CACNA1E: variants seen among roughly 807,000 people sequenced by gnomAD.
CACNA1E encodes calcium voltage-gated channel subunit alpha1 E.
Under a neutral mutation model 259.2 loss-of-function variants are expected in CACNA1E, and 40 were observed. The ratio of observed to expected loss-of-function variants is 0.15; its 90% CI spans 0.12 to 0.20. The LOEUF (loss-of-function observed/expected upper bound fraction) is 0.20, where lower values mean the gene tolerates loss of function less well. CACNA1E is among the 10% of genes least tolerant of loss of function. The pLI is 1.00. For missense variants in CACNA1E, 1,874 were observed against 3,040.1 expected (o/e 0.62, Z 9.02); for synonymous variants, 1,104 against 1,138.5 (o/e 0.97, Z 0.61).
chr1:181,704,868 C>A (rs972267182), intron 7 of CACNA1E, among the ~76,000 whole-genome samples: 1 of 152,096 alleles, frequency 6.6e-6, no homozygotes, highest in Non-Finnish European at 1.5e-5. Flanking sequence ...GGCTTTCTTA[C>A]CCCAGCCGAC....
chr1:181,439,495 GC>G lies in CACNA1E; in HGVS notation c.434+25917del, dbSNP rs371798718. Among the ~76,000 whole-genome samples the G allele has an allele frequency of 2.7e-4, 41 of 152,168 alleles. No individual in the cohort carries two copies. The East Asian group carries it at 7.7e-3, about 29-fold the overall frequency. On this transcript the variant is annotated intron_variant, in intron 2 of 11. Transcript: ENST00000524607. The stretch of plus-strand genomic sequence containing the variant: ...GTGAAACCGGTATACACAATCAGTT[GC>G]CTTACTTTCTAGAGGATGAACCCCT...
chr1:181,495,620 G>A (rs898764534), intron 1 of CACNA1E, among the ~76,000 whole-genome samples: 8 of 152,280 alleles, frequency 5.3e-5, no homozygotes, highest in Non-Finnish European at 1.2e-4. Flanking sequence ...CTCTTACCAA[G>A]TTTCTAACCT....
chr1:181,355,215 A>G (rs534963664), intron 1 of CACNA1E, among the ~76,000 whole-genome samples: 1 of 152,082 alleles, frequency 6.6e-6, no homozygotes, highest in African/African-American at 2.4e-5. Flanking sequence ...TCATCCTTTT[A>G]AGCACCAGTT....
At chr1:181,330,788 G>A (rs563246951) in intron 1 of CACNA1E, among the ~76,000 whole-genome samples, 2 of 152,334 alleles carry the variant, frequency 1.3e-5, no homozygotes, top group East Asian at 3.9e-4. Flanking sequence ...TATTAGCTAA[G>A]TGGCTCCATA....
chr1:181,516,889 C>T (rs1030263371), intron 3 of CACNA1E, among the ~76,000 whole-genome samples: 3 of 152,224 alleles, frequency 2.0e-5, no homozygotes, highest in Non-Finnish European at 2.9e-5. Flanking sequence ...GTTGGCTCTT[C>T]CCTTTACTGC....
At chr1:181,700,010 G>C (rs564602456) in intron 7 of CACNA1E, among the ~76,000 whole-genome samples, 4 of 152,110 alleles carry the variant, frequency 2.6e-5, no homozygotes, top group Non-Finnish European at 5.9e-5. Context: ...ACAAAAATTC[G>C]GTAGCTTTCA....
At chr1:181,543,708 T>C (rs1024511402) in intron 3 of CACNA1E, among the ~76,000 whole-genome samples, 1 of 152,182 alleles carries the variant, frequency 6.6e-6, no homozygotes, top group African/African-American at 2.4e-5. Flanking sequence ...ACCCAGTGTA[T>C]GGTATTTTTT....
intron 36 of CACNA1E, 98 bp downstream of exon 36, chr1:181,771,482 C>T (rs1485080747): frequency 2.8e-6 from 2 of 715,944 alleles, no homozygotes; most frequent in Non-Finnish European, 2.5e-6. Flanking sequence ...ATCTTTATTC[C>T]ACTTCCTTTG....
In CACNA1E at chr1:181,736,397, C is replaced by T. The variant is rs753850027; in HGVS notation, c.3385C>T (p.Pro1129Ser). ...EKRETGKAMVPHSSMFIFSTT... is the reference protein window; with the variant it reads ...EKRETGKAMVSHSSMFIFSTT... The stretch of plus-strand genomic sequence containing the variant: ...GCGTGAGACAGGCAAAGCCATGGTG[C>T]CCCACAGCTCAATGTTCATCTTCAG... The change falls in exon 22 of 48, where the codon CCC becomes TCC. Residue 1129 changes from proline (P) to serine (S), a missense_variant. Physicochemically the swap from Pro to Ser is moderately conservative, Grantham distance 74. Transcript: ENST00000367573. The T allele has an allele frequency of 7.1e-5, 115 of 1,612,498 alleles. No individual in the cohort carries two copies. Among genetic ancestry groups the T allele is most frequent in the Non-Finnish European group, 9.8e-5 (115 of 1,179,318 alleles).
chr1:181,481,108 CGACT>C (rs1663200965), upstream of CACNA1E, among the ~76,000 whole-genome samples: 1 of 151,998 alleles, frequency 6.6e-6, no homozygotes, highest in Non-Finnish European at 1.5e-5. Context: ...CTCCGTTTCA[CGACT>C]GACTAGGTAT....
intron 1 of CACNA1E, among the ~76,000 whole-genome samples, chr1:181,339,158 C>T (rs1282266631): frequency 6.6e-6 from 1 of 152,018 alleles, no homozygotes; most frequent in African/African-American, 2.4e-5. Flanking sequence ...TTATATGATT[C>T]CATACAGATT....
intron 7 of CACNA1E, among the ~76,000 whole-genome samples, chr1:181,670,490 A>T (rs1648682951): frequency 6.6e-6 from 1 of 152,214 alleles, no homozygotes; most frequent in Admixed American, 6.5e-5. Flanking sequence ...TAACTCTACT[A>T]TGCAAGAGAG....
chr1:181,778,004 C>T (rs551433622), intron 38 of CACNA1E, among the ~76,000 whole-genome samples: 1 of 152,316 alleles, frequency 6.6e-6, no homozygotes, highest in East Asian at 1.9e-4. Flanking sequence ...ACATGCTCCT[C>T]CCTACTTATT....
chr1:181,472,587 C>T (rs1375660466), intron 2 of CACNA1E, among the ~76,000 whole-genome samples: 1 of 152,154 alleles, frequency 6.6e-6, no homozygotes, highest in African/African-American at 2.4e-5. Flanking sequence ...AATAGTAATA[C>T]CACCTACAGT....
chr1:181,497,046 T>C (rs1664816565), intron 1 of CACNA1E, among the ~76,000 whole-genome samples: 1 of 152,086 alleles, frequency 6.6e-6, no homozygotes, highest in Non-Finnish European at 1.5e-5. Flanking sequence ...GATCTGGGCA[T>C]TTTGGCAAGA....
intron 1 of CACNA1E, among the ~76,000 whole-genome samples, chr1:181,318,437 C>T (rs1650077817): frequency 6.6e-6 from 1 of 152,238 alleles, no homozygotes; most frequent in South Asian, 2.1e-4. Context: ...CTTGCCGCAG[C>T]GCTCAGGGCA....
At chr1:181,710,737 G>A (rs1653267611) in intron 7 of CACNA1E, among the ~76,000 whole-genome samples, 1 of 152,232 alleles carries the variant, frequency 6.6e-6, no homozygotes, top group Admixed American at 6.5e-5. Flanking sequence ...TGACTGGAAT[G>A]CAGCTAGTCT....
upstream of CACNA1E, among the ~76,000 whole-genome samples, chr1:181,480,237 T>C (rs1239682751): frequency 6.6e-6 from 1 of 152,128 alleles, no homozygotes. Flanking sequence ...GACAGCCAGG[T>C]GGGGGTGGAA....
intron 1 of CACNA1E, among the ~76,000 whole-genome samples, chr1:181,508,542 CAGA>C (rs1320709029): frequency 4.6e-5 from 7 of 152,156 alleles, no homozygotes; most frequent in Admixed American, 3.3e-4. Context: ...CTAGGCTGTT[CAGA>C]AGGCTTATGG....
Sources: allele counts gnomAD v4.1 joint callset (sites outside exome capture counted in the v4.1 genomes callset), GRCh38; gene constraint gnomAD v4.1.1; transcripts MANE v1.5; gene names NCBI Gene and HGNC (gene_info 2026-07-23, HGNC 2026-07-21).